Variants in GREB1 observed in about 807,000 individuals in gnomAD.
GREB1 encodes growth regulating estrogen receptor binding 1, also known as protein GREB1.
Under a neutral mutation model 200.7 loss-of-function variants are expected in GREB1, and 106 were observed. The observed-to-expected ratio is 0.53, with a 90% confidence interval of 0.45 to 0.62. The LOEUF (loss-of-function observed/expected upper bound fraction) is 0.62. Ranked by LOEUF, GREB1 falls within the 20% of genes least tolerant of loss-of-function variation. The pLI, the probability that GREB1 is intolerant of heterozygous loss-of-function variation, is 0.00. For synonymous variants in GREB1, 1,132 were observed against 1,092.4 expected (o/e 1.04, Z -0.72); for missense variants, 2,243 against 2,556.8 (o/e 0.88, Z 2.65).
chr2:11,565,502 A>C (rs1466772919), intron 3 of GREB1, among the ~76,000 whole-genome samples: 1 of 152,180 alleles, frequency 6.6e-6, no homozygotes, highest in Non-Finnish European at 1.5e-5. Flanking sequence ...TCGGGAGCTA[A>C]AGCTACAGGA....
At chr2:11,538,213 G>A (rs1336285025) in intron 1 of GREB1, among the ~76,000 whole-genome samples, 1 of 152,140 alleles carries the variant, frequency 6.6e-6, no homozygotes, top group Admixed American at 6.5e-5. Flanking sequence ...GGTCTCCACT[G>A]CCCTTTCTAG....
chr2:11,557,317 T>C (rs1339049582), intron 2 of GREB1, among the ~76,000 whole-genome samples: 2 of 152,262 alleles, frequency 1.3e-5, no homozygotes, highest in East Asian at 3.8e-4. Context: ...TTGTTTTTTA[T>C]AGCTGTGTGT....
intron 16 of GREB1, 118 bp downstream of exon 16, chr2:11,601,113 A>G (rs957797166): frequency 2.6e-6 from 2 of 780,770 alleles, no homozygotes; most frequent in Non-Finnish European, 4.0e-6. Flanking sequence ...AGCTCCTTGG[A>G]TCTTTGGTTC....
rs542800255 is a variant in GREB1, at chr2:11,592,911, C to A, written c.1481C>A (p.Ala494Glu). The A allele has an allele frequency of 1.8e-5, 28 of 1,588,722 alleles. No homozygotes were observed. The East Asian group carries it at 2.3e-4, about 13-fold the overall frequency. ...TTCCCGCCCGCGCCCAGCGCCGCGG[C>A]ACCCGTGACCTCCGCGCAGCTGCCC... ...QPFPPAPSAA[A>E]PVTSAQLPWL... Residue 494 changes from alanine (A) to glutamate (E), a missense_variant, in exon 11 of 33, where the codon GCA (alanine) becomes GAA (glutamate). This residue lies in a region of GREB1 where 1,178 missense variants were observed against 1,387.4 expected (regional missense o/e 0.85). Transcript: ENST00000381486.
intron 17 of GREB1, 42 bp downstream of exon 17, chr2:11,602,584 T>A: frequency 6.3e-7 from 1 of 1,586,236 alleles, no homozygotes; most frequent in African/African-American, 1.3e-5. Context: ...GCTCAGTAGC[T>A]TAAAGGGCAA....
chr2:11,612,236 A>C, intron 18 of GREB1: 1 of 903,876 alleles, frequency 1.1e-6, no homozygotes, highest in South Asian at 2.8e-5. Flanking sequence ...GACAACATAG[A>C]CTTCCTTTCA....
intron 1 of GREB1, among the ~76,000 whole-genome samples, chr2:11,504,987 A>G (rs1572560646): frequency 6.6e-6 from 1 of 152,152 alleles, no homozygotes. Flanking sequence ...GCTGGAGTGC[A>G]GTGACGCCAT....
chr2:11,581,016 C>A, intron 7 of GREB1, 184 bp downstream of exon 7: 1 of 747,162 alleles, frequency 1.3e-6, no homozygotes, highest in Non-Finnish European at 2.4e-6. Context: ...GGCCCTGGTG[C>A]TCTATGAGTG....
In GREB1 at chr2:11,633,017, G is replaced by A. The variant is rs780590323; in HGVS notation, c.4945G>A (p.Val1649Met). The A allele has an allele frequency of 1.1e-5, 18 of 1,614,078 alleles. No homozygotes were observed. The highest frequency in any genetic ancestry group is 2.2e-5 in the East Asian group (1 of 44,890). Residue 1649 changes from valine (V) to methionine (M), a missense_variant, in exon 28 of 33, where the codon GTG (valine) becomes ATG (methionine). Physicochemically the swap from Val to Met is conservative, Grantham distance 21. This residue lies in a region of GREB1 where 478 missense variants were observed against 616.3 expected (regional missense o/e 0.78). Coordinates refer to ENST00000381486, the MANE Select transcript of GREB1 (RefSeq NM_014668.4). This position sits in a 1 kb window ranked among gnomAD's most constrained non-coding sequence, Gnocchi z 4.1. ...CATTGTGATCTCTGATGACTCCTGC[G>A]TGATGTGGAACGTGGTGGATGTCAA... The part of the protein sequence containing the change: ...PFIVISDDSC[V>M]MWNVVDVNSA...
chr2:11,611,034 G>A lies in GREB1; in HGVS notation c.3006+7G>A. 1 of 1,564,860 alleles carries A rather than the reference G, an allele frequency of 6.4e-7. No homozygotes were observed. Among genetic ancestry groups the A allele is most frequent in the South Asian group, 1.2e-5 (1 of 84,680 alleles). ...CTTCGTAAAGCAGCTCAGGGTAGGT[G>A]CTGTGCGCAGGGAGGGGCGGAGGGC... On this transcript the variant is annotated splice_region_variant and intron_variant, in intron 18 of 32. Transcript: ENST00000381486.
intron 1 of GREB1, among the ~76,000 whole-genome samples, chr2:11,498,221 T>TA (rs1672940194): frequency 6.6e-6 from 1 of 152,094 alleles, no homozygotes; most frequent in African/African-American, 2.4e-5. Flanking sequence ...CCAGAAGTGT[T>TA]ATAGTTTTAT....
intron 1 of GREB1, among the ~76,000 whole-genome samples, chr2:11,482,957 G>A (rs1326237146): frequency 6.6e-6 from 1 of 151,142 alleles, no homozygotes; most frequent in Admixed American, 6.6e-5. Flanking sequence ...AGGACAAAGG[G>A]CCCGAGGTAG....
chr2:11,503,760 A>C (rs747189681), intron 1 of GREB1, among the ~76,000 whole-genome samples: 1 of 152,184 alleles, frequency 6.6e-6, no homozygotes, highest in Non-Finnish European at 1.5e-5. Flanking sequence ...ACGTCTGGTT[A>C]TCTTAGGGTT....
chr2:11,485,612 A>G (rs1672638912), intron 1 of GREB1, among the ~76,000 whole-genome samples: 2 of 152,174 alleles, frequency 1.3e-5, no homozygotes, highest in South Asian at 4.1e-4. Context: ...CTCACTTGTC[A>G]CTTTCAATAG....
intron 30 of GREB1, 33 bp downstream of exon 30, chr2:11,635,438 T>A (rs1019843909): frequency 6.3e-7 from 1 of 1,575,876 alleles, no homozygotes; most frequent in Non-Finnish European, 8.6e-7. Context: ...GGCCTCTATG[T>A]CCACCGCCTG....
At chr2:11,513,166 C>T (rs1201155735) in intron 1 of GREB1, among the ~76,000 whole-genome samples, 1 of 152,250 alleles carries the variant, frequency 6.6e-6, no homozygotes, top group African/African-American at 2.4e-5. Context: ...TAGAATGCCC[C>T]GAGGATGAAT....
Position 11,632,943 on chromosome 2 carries a change from G to A in GREB1, c.4871G>A (p.Arg1624Gln), listed in dbSNP as rs749186312. 6.8e-6 allele frequency: 11 copies of A among 1,614,168 alleles called. No homozygotes were observed. Among genetic ancestry groups the A allele is most frequent in the Non-Finnish European group, 8.5e-6 (10 of 1,180,030 alleles). The change falls in exon 28 of 33, where the codon CGG becomes CAG. Residue 1624 changes from arginine to glutamine, a missense_variant. Transcript: ENST00000381486. ...TCCTACCATAACCTGGAGCTCGAGC[G>A]GAACCGGCAGGAGGAGCTGGGAATC... is the stretch of plus-strand genomic sequence containing the variant. ...ELSYHNLELE[R>Q]NRQEELGIKP...
intron 14 of GREB1, among the ~76,000 whole-genome samples, 177 bp downstream of exon 14, chr2:11,598,155 C>T (rs905360740): frequency 1.3e-5 from 2 of 152,076 alleles, no homozygotes; most frequent in African/African-American, 4.8e-5. Flanking sequence ...ATTTTAGGAT[C>T]TGTTGAAGGT....
intron 10 of GREB1, chr2:11,591,683 C>A: frequency 2.0e-6 from 1 of 490,740 alleles, no homozygotes; most frequent in Non-Finnish European, 3.7e-6. Flanking sequence ...TGTAAATCCA[C>A]CTTTGAGAAT....
Sources: gnomAD v4.1 joint callset for allele counts (sites outside exome capture counted in the v4.1 genomes callset) on GRCh38, gnomAD v4.1.1 for gene constraint, gnomAD v4.1.1 regional missense constraint, Gnocchi (gnomAD v3.1) non-coding constraint, MANE v1.5 for transcripts, NCBI Gene and HGNC (gene_info 2026-07-23, HGNC 2026-07-21) for gene names.